GRM8: variants seen among roughly 807,000 people sequenced by gnomAD.
GRM8 encodes metabotropic glutamate receptor 8.
A neutral mutation model predicts 87.2 loss-of-function variants in GRM8; 47 were observed. The observed-to-expected ratio is 0.54, with a 90% CI of 0.43 to 0.69. The LOEUF (loss-of-function observed/expected upper bound fraction) is 0.69. GRM8 is among the 30% of genes least tolerant of loss of function. The pLI is 0.00. For synonymous variants in GRM8, 396 were observed against 404.5 expected, an observed-to-expected ratio of 0.98 and a Z score of 0.25; for missense variants, 1,019 against 1,139.2, an observed-to-expected ratio of 0.89 and a Z score of 1.52.
intron 3 of GRM8, among the ~76,000 whole-genome samples, chr7:127,035,774 T>C (rs937042604): frequency 6.6e-6 from 1 of 152,188 alleles, no homozygotes; most frequent in African/African-American, 2.4e-5. Context: ...TAAAAAATGT[T>C]AGTTAATTCT....
At chr7:127,016,708 G>C (rs909384815) in intron 3 of GRM8, among the ~76,000 whole-genome samples, 4 of 152,016 alleles carry the variant, frequency 2.6e-5, no homozygotes, top group South Asian at 2.1e-4. Context: ...TGTATGATGT[G>C]TTCTCTCAAT....
rs1323850157 is a variant in GRM8 at position 126,943,266 on chromosome 7, G to T, written c.728-38583C>A. ...AGTCACAATCACTCAAAAGATGCCA[G>T]AATTCAGTCCCAACCAGTGCCCTGG... On this transcript the variant is annotated intron_variant, in intron 3 of 10. Transcript: ENST00000339582. 3.9e-5 allele frequency among the ~76,000 whole-genome samples: 6 copies of T among 152,308 alleles called. No individual in the cohort carries two copies. The East Asian group carries it at 1.2e-3, about 29-fold the overall frequency.
At chr7:127,062,638 G>C (rs1285625815) in intron 3 of GRM8, among the ~76,000 whole-genome samples, 3 of 152,224 alleles carry the variant, frequency 2.0e-5, no homozygotes, top group Non-Finnish European at 2.9e-5. Context: ...GAATCCATCA[G>C]GTCCTGGGCT....
intron 8 of GRM8, among the ~76,000 whole-genome samples, chr7:126,581,734 T>G (rs530063821): frequency 2.6e-5 from 4 of 152,264 alleles, no homozygotes; most frequent in Non-Finnish European, 5.9e-5. Context: ...CATGTCTCTG[T>G]GTCACATTTT....
intron 7 of GRM8, among the ~76,000 whole-genome samples, chr7:126,678,192 ACTT>A (rs1229894002): frequency 1.3e-5 from 2 of 152,092 alleles, no homozygotes; most frequent in African/African-American, 2.4e-5. Context: ...TTCTTTGTAA[ACTT>A]CTTCTGAAGG....
chr7:126,765,848 G>A (rs6945048), intron 7 of GRM8, among the ~76,000 whole-genome samples: 7,402 of 152,108 alleles, frequency 0.049, 620 homozygotes, highest in African/African-American at 0.17. Flanking sequence ...TGGATACACT[G>A]TGATTCAGAA....
At chr7:127,171,689 T>A (rs1793810014) in intron 2 of GRM8, among the ~76,000 whole-genome samples, 1 of 152,244 alleles carries the variant, frequency 6.6e-6, no homozygotes, top group Non-Finnish European at 1.5e-5. Context: ...TATAATATAG[T>A]GTAAACATAA....
At chr7:126,903,673 G>A (rs1802357767) in intron 5 of GRM8, among the ~76,000 whole-genome samples, 1 of 133,998 alleles carries the variant, frequency 7.5e-6, no homozygotes, top group African/African-American at 2.7e-5. Flanking sequence ...ATATGTATAT[G>A]TGTATATATA....
chr7:126,618,465 G>A (rs1273094585), intron 7 of GRM8, among the ~76,000 whole-genome samples: 1 of 152,134 alleles, frequency 6.6e-6, no homozygotes, highest in African/African-American at 2.4e-5. Flanking sequence ...ACATAGGCAT[G>A]GGCATGGACT....
At chr7:126,743,598 G>A (rs1303799642) in intron 7 of GRM8, among the ~76,000 whole-genome samples, 1 of 152,036 alleles carries the variant, frequency 6.6e-6, no homozygotes, top group Non-Finnish European at 1.5e-5. Context: ...TAAAAATTTA[G>A]TATTACTTTT....
chr7:126,971,226 T>C (rs573142723), intron 3 of GRM8, among the ~76,000 whole-genome samples: 3 of 143,276 alleles, frequency 2.1e-5, no homozygotes, highest in African/African-American at 7.7e-5. Context: ...AGCCTGTACA[T>C]ATAAACATCA....
chr7:126,655,578 G>A (rs1467347133), intron 7 of GRM8, among the ~76,000 whole-genome samples: 1 of 151,804 alleles, frequency 6.6e-6, no homozygotes, highest in Non-Finnish European at 1.5e-5. Flanking sequence ...CTCAACTACT[G>A]GTCATTCATC....
intron 6 of GRM8, among the ~76,000 whole-genome samples, chr7:126,897,650 G>T (rs1171378067): frequency 6.6e-6 from 1 of 152,032 alleles, no homozygotes; most frequent in Non-Finnish European, 1.5e-5. Context: ...AAGTATAAAA[G>T]AGTCCTTTTT....
chr7:126,698,521 A>T (rs961767034), intron 7 of GRM8, among the ~76,000 whole-genome samples: 2 of 152,158 alleles, frequency 1.3e-5, no homozygotes, highest in African/African-American at 2.4e-5. Flanking sequence ...ATGTCTTTCT[A>T]CCACAGAGAT....
At chr7:126,475,191 G>T (rs1584744655) in intron 9 of GRM8, among the ~76,000 whole-genome samples, 1 of 151,930 alleles carries the variant, frequency 6.6e-6, no homozygotes, top group African/African-American at 2.4e-5. Flanking sequence ...GAAGTGAAAT[G>T]ACTAATGTTT....
chr7:126,816,732 T>TTGTGTG lies in GRM8; in HGVS notation c.1157-46673_1157-46668dup, dbSNP rs3038866. Among the ~76,000 whole-genome samples the TTGTGTG allele has an allele frequency of 8.4e-3, 1,228 of 145,918 alleles. 11 individuals carry two copies. Among genetic ancestry groups the TTGTGTG allele is most frequent in the African/African-American group, 0.02 (767 of 39,324 alleles). On this transcript the variant is annotated intron_variant, in intron 6 of 10. Transcript: ENST00000339582. ...ACCTAATGTGAGATAGTATATGATT[T>TTGTGTG]TGTGTGTGTGTGTGTGTGTGTGTGT...
At chr7:127,141,051 A>T (rs1404245039) in intron 2 of GRM8, among the ~76,000 whole-genome samples, 1 of 152,064 alleles carries the variant, frequency 6.6e-6, no homozygotes, top group Admixed American at 6.6e-5. Context: ...TGGAATTCCA[A>T]ATATTACCTT....
At chr7:127,052,522 T>A (rs958109169) in intron 3 of GRM8, among the ~76,000 whole-genome samples, 5 of 152,320 alleles carry the variant, frequency 3.3e-5, no homozygotes, top group Middle Eastern at 3.4e-3. Context: ...CCAGAAAAGT[T>A]TGGTACATAG....
At position 126,729,262 on chromosome 7, in the gene GRM8, A is replaced by G. The variant is rs761311478; in HGVS notation, c.1357+40603T>C. 1.4e-4 allele frequency among the ~76,000 whole-genome samples: 22 copies of G among 152,278 alleles called. No individual in the cohort carries two copies. In the South Asian group the frequency reaches 2.1e-3, roughly 14 times the overall value. ...GCTCTGATGGCTTCACACTGCTAGT[A>G]CCTGCAATCTGTAGCCAGAAAATGT... On this transcript the variant is annotated intron_variant, in intron 7 of 10. Transcript: ENST00000339582.
Sources: gnomAD v4.1 joint callset for allele counts (sites outside exome capture counted in the v4.1 genomes callset) on GRCh38, gnomAD v4.1.1 for gene constraint, MANE v1.5 for transcripts, NCBI Gene and HGNC (gene_info 2026-07-23, HGNC 2026-07-21) for gene names.